EXOC4: variants seen among roughly 807,000 people sequenced by gnomAD.
EXOC4 encodes the protein exocyst complex component 4.
A neutral mutation model predicts 107.2 loss-of-function variants in EXOC4; 71 were observed. The observed-to-expected ratio is 0.66, with a 90% CI of 0.55 to 0.81. The LOEUF is 0.81. Ranked by LOEUF, EXOC4 falls within the 30% of genes least tolerant of loss-of-function variation. The probability of loss-of-function intolerance (pLI) is 0.00; values close to 1 mark genes in which losing one functional copy is unlikely to be tolerated. For missense variants in EXOC4, 1,108 were observed against 1,189.6 expected, an observed-to-expected ratio of 0.93 and a Z score of 1.01; for synonymous variants, 456 against 441.2, an observed-to-expected ratio of 1.03 and a Z score of -0.42.
chr7:133,633,869 C>T (rs550960820), intron 10 of EXOC4, among the ~76,000 whole-genome samples: 46 of 152,164 alleles, frequency 3.0e-4, no homozygotes, highest in African/African-American at 9.9e-4. Context: ...CTTTCAAGTG[C>T]GTAGGTCCTT....
chr7:133,336,601 A>C (rs1795518963), intron 5 of EXOC4, among the ~76,000 whole-genome samples: 1 of 151,930 alleles, frequency 6.6e-6, no homozygotes, highest in African/African-American at 2.4e-5. Flanking sequence ...AAATTTGAAC[A>C]ATTTCTGGTA....
At chr7:133,631,648 A>G (rs1015815327) in intron 10 of EXOC4, among the ~76,000 whole-genome samples, 7 of 152,108 alleles carry the variant, frequency 4.6e-5, no homozygotes, top group African/African-American at 1.7e-4. Flanking sequence ...AATTAAGACT[A>G]TTAAGAGGTT....
intron 7 of EXOC4, among the ~76,000 whole-genome samples, chr7:133,405,729 G>A (rs1444506110): frequency 6.6e-6 from 1 of 152,276 alleles, no homozygotes; most frequent in South Asian, 2.1e-4. Flanking sequence ...ATTAGGCACA[G>A]TAAGAGATTA....
At chr7:133,277,924 A>AT (rs1220663372) in intron 2 of EXOC4, among the ~76,000 whole-genome samples, 3 of 152,036 alleles carry the variant, frequency 2.0e-5, no homozygotes, top group East Asian at 3.8e-4. Context: ...ATAGGTGTGT[A>AT]TTTTTTTTAA....
At chr7:134,097,414 G>A in the EXOC4 span, among the ~76,000 whole-genome samples, 1 of 151,296 alleles carries the variant, frequency 6.6e-6, no homozygotes, top group Non-Finnish European at 1.5e-5. Flanking sequence ...CCCAGAAGGT[G>A]GGTATGAAAA....
rs1484605194 is a variant in EXOC4 at position 133,894,953 on chromosome 7, C to T, written c.1735-646C>T. 3 of 89,460 alleles carry T rather than the reference C, an allele frequency of 3.4e-5. 1 individual carries two copies. Among genetic ancestry groups the T allele is most frequent in the Admixed American group, 2.5e-4 (3 of 11,966 alleles). 5.5% of individuals were successfully genotyped at this position (89,460 alleles called of 1,614,324 possible). ...AGGCCTCCTTGAGCTGTGGTGGGCTCCACCCAGTTTGAGCTTCCCGGCTGC... is the reference window on the plus strand; with the variant it reads ...AGGCCTCCTTGAGCTGTGGTGGGCTTCACCCAGTTTGAGCTTCCCGGCTGC... On this transcript the variant is annotated intron_variant, in intron 11 of 17. Coordinates refer to ENST00000253861, the MANE Select transcript of EXOC4 (RefSeq NM_021807.4).
chr7:133,790,937 A>G lies in EXOC4; in HGVS notation c.1515-26388A>G, dbSNP rs1456609655. Among the ~76,000 whole-genome samples, 3 of 152,248 alleles carry G rather than the reference A, an allele frequency of 2.0e-5. No homozygotes were observed. In the East Asian group the frequency reaches 5.8e-4, roughly 29 times the overall value. On this transcript the variant is annotated intron_variant, in intron 10 of 17. Transcript: ENST00000253861. Reference sequence around the variant, plus strand: ...TCAACTCTCTGAAGCATGGAAGGAGATGTACATTACATCGATTGAATTGTC... The same window carrying G: ...TCAACTCTCTGAAGCATGGAAGGAGGTGTACATTACATCGATTGAATTGTC...
chr7:133,807,251 T>G (rs1797100385), intron 10 of EXOC4, among the ~76,000 whole-genome samples: 1 of 152,184 alleles, frequency 6.6e-6, no homozygotes, highest in Non-Finnish European at 1.5e-5. Context: ...AGCTGCCCAG[T>G]TTTATCACAT....
At chr7:133,256,522 G>A (rs1584753178) in intron 1 of EXOC4, among the ~76,000 whole-genome samples, 1 of 152,066 alleles carries the variant, frequency 6.6e-6, no homozygotes, top group African/African-American at 2.4e-5. Flanking sequence ...ATAAATTACC[G>A]ACAGTTAGAG....
At chr7:133,676,169 C>CTGT (rs1256234522) in intron 10 of EXOC4, among the ~76,000 whole-genome samples, 1 of 151,980 alleles carries the variant, frequency 6.6e-6, no homozygotes, top group East Asian at 1.9e-4. Flanking sequence ...GTACCAGGCA[C>CTGT]TGTTCTAGAT....
chr7:133,400,166 T>C (rs1033193956), intron 7 of EXOC4, among the ~76,000 whole-genome samples: 4 of 152,220 alleles, frequency 2.6e-5, no homozygotes, highest in African/African-American at 9.6e-5. Context: ...CGCAGAAGAC[T>C]ATTAGGGTTG....
Position 133,289,159 on chromosome 7 carries a change from T to C in EXOC4, c.471+43T>C, listed in dbSNP as rs774481801. Reference sequence around the variant, plus strand: ...GCTAAGGGTCATTTTTGTTAAGATGTAAAAGCACTCTCTTTTATTCTCTCT... The same window carrying C: ...GCTAAGGGTCATTTTTGTTAAGATGCAAAAGCACTCTCTTTTATTCTCTCT... On this transcript the variant is annotated intron_variant, in intron 3 of 17. Coordinates refer to ENST00000253861, the MANE Select transcript of EXOC4 (RefSeq NM_021807.4). 4 of 1,546,270 alleles carry C rather than the reference T, an allele frequency of 2.6e-6. No individual in the cohort carries two copies. The East Asian group carries it at 9.1e-5, about 35-fold the overall frequency.
intron 13 of EXOC4, among the ~76,000 whole-genome samples, chr7:133,935,578 C>G (rs554931965): frequency 6.6e-6 from 1 of 152,176 alleles, no homozygotes; most frequent in Non-Finnish European, 1.5e-5. Flanking sequence ...ATGTAACATA[C>G]TTCCTCCTGC....
chr7:133,324,264 G>A (rs1054703786), intron 5 of EXOC4, among the ~76,000 whole-genome samples: 1 of 152,070 alleles, frequency 6.6e-6, no homozygotes, highest in African/African-American at 2.4e-5. Context: ...TTTTGAATGT[G>A]TTTGTTCTTG....
intron 9 of EXOC4, among the ~76,000 whole-genome samples, chr7:133,616,434 C>T (rs1337997509): frequency 6.6e-6 from 1 of 151,950 alleles, no homozygotes; most frequent in Non-Finnish European, 1.5e-5. Flanking sequence ...AATTGTGTTT[C>T]CCTATTAAAG....
chr7:133,303,446 A>G (rs1257616298), intron 3 of EXOC4, among the ~76,000 whole-genome samples: 1 of 152,256 alleles, frequency 6.6e-6, no homozygotes, highest in Non-Finnish European at 1.5e-5. Context: ...AAAAACAAAA[A>G]AAAGATAAAT....
intron 10 of EXOC4, among the ~76,000 whole-genome samples, chr7:133,643,355 G>C (rs58318333): frequency 6.6e-6 from 1 of 151,944 alleles, no homozygotes; most frequent in Non-Finnish European, 1.5e-5. Context: ...TATTCTAGCC[G>C]CACTAGCAGC....
At chr7:133,596,871 G>A (rs553409100) in intron 9 of EXOC4, among the ~76,000 whole-genome samples, 2 of 152,304 alleles carry the variant, frequency 1.3e-5, no homozygotes, top group South Asian at 4.1e-4. Flanking sequence ...CTGAATTGTA[G>A]ACCTTGCTTG....
the EXOC4 span, among the ~76,000 whole-genome samples, chr7:134,092,775 T>G: frequency 1.3e-5 from 2 of 151,764 alleles, no homozygotes; most frequent in South Asian, 4.2e-4. Context: ...ATACAAAAAT[T>G]AGCCAGGTGT....
Sources: gnomAD v4.1 joint callset for allele counts (sites outside exome capture counted in the v4.1 genomes callset) on GRCh38, gnomAD v4.1.1 for gene constraint, MANE v1.5 for transcripts, NCBI Gene and HGNC (gene_info 2026-07-23, HGNC 2026-07-21) for gene names.